The following ADGRL4 variants were observed in gnomAD, a reference collection of about 807,000 sequenced individuals.
ADGRL4 encodes adhesion G protein-coupled receptor L4.
A neutral mutation model predicts 74.8 loss-of-function variants in ADGRL4; 90 were observed. That is an observed-to-expected ratio of 1.20 (90% CI 1.02 to 1.43). The LOEUF (loss-of-function observed/expected upper bound fraction) is 1.43, where lower values mean the gene tolerates loss of function less well. ADGRL4 is among the 40% of genes most tolerant of loss of function. ADGRL4 has a pLI of 0.00. For missense variants in ADGRL4, 881 were observed against 814.3 expected, an observed-to-expected ratio of 1.08 and a Z score of -1.00; for synonymous variants, 311 against 279.2, an observed-to-expected ratio of 1.11 and a Z score of -1.14.
At chr1:78,893,632 C>G (rs1420860619) in intron 12 of ADGRL4, among the ~76,000 whole-genome samples, 1 of 151,668 alleles carries the variant, frequency 6.6e-6, no homozygotes, top group African/African-American at 2.4e-5. Context: ...ACAAAACACT[C>G]TCAGTTTCTA....
chr1:78,952,655 A>G (rs941960835), intron 2 of ADGRL4, among the ~76,000 whole-genome samples: 3 of 152,168 alleles, frequency 2.0e-5, no homozygotes, highest in African/African-American at 7.2e-5. Context: ...CATTTCCTTG[A>G]CCATGAACTC....
At position 78,921,669 on chromosome 1, in the gene ADGRL4, A is replaced by T; in HGVS notation, c.1201T>A (p.Cys401Ser). The T allele has an allele frequency of 6.3e-7, 1 of 1,599,548 alleles. No individual in the cohort carries two copies. Among genetic ancestry groups the T allele is most frequent in the South Asian group, 1.1e-5 (1 of 89,514 alleles). ...LTYSNETHTS[C>S]RCNHLTHFAI... ...AAATGTGTCAGGTGATTACAGCGGC[A>T]TGAGGTGTGGGTCTCATTTGAGTAT... The change falls in exon 9 of 15, where the codon TGC becomes AGC. Residue 401 changes from cysteine (C) to serine (S), a missense_variant. By Grantham distance (112) the Cys-to-Ser change is moderately radical. Transcript: ENST00000370742.
intron 2 of ADGRL4, among the ~76,000 whole-genome samples, chr1:78,967,747 T>A (rs6699540): frequency 0.09 from 13,643 of 152,142 alleles, 824 homozygotes; most frequent in East Asian, 0.35. Flanking sequence ...ATTTCTTAAG[T>A]CATTAATCTG....
At chr1:78,939,442 A>C (rs1388184168) in intron 3 of ADGRL4, among the ~76,000 whole-genome samples, 184 bp from the exon 4 acceptor site, 1 of 152,094 alleles carries the variant, frequency 6.6e-6, no homozygotes, top group African/African-American at 2.4e-5. Flanking sequence ...AAAGGGTTTT[A>C]AGGGCCAAGA....
At chr1:78,906,652 AT>A (rs1375995258) in intron 12 of ADGRL4, among the ~76,000 whole-genome samples, 1 of 152,038 alleles carries the variant, frequency 6.6e-6, no homozygotes, top group African/African-American at 2.4e-5. Context: ...AATGAAAAAT[AT>A]TTGTTGTATA....
chr1:79,004,081 A>G (rs1650908219), intron 2 of ADGRL4, among the ~76,000 whole-genome samples: 1 of 152,096 alleles, frequency 6.6e-6, no homozygotes, highest in African/African-American at 2.4e-5. Context: ...ATATAATTCA[A>G]TCACAAGATA....
At chr1:78,891,769 G>A in intron 13 of ADGRL4, 77 bp from the exon 14 acceptor site, 1 of 1,320,214 alleles carries the variant, frequency 7.6e-7, no homozygotes. Context: ...CAAATTATGT[G>A]GGAGGTGAGT....
intron 2 of ADGRL4, among the ~76,000 whole-genome samples, chr1:78,959,228 T>C (rs115224773): frequency 6.6e-6 from 1 of 152,180 alleles, no homozygotes; most frequent in East Asian, 1.9e-4. Flanking sequence ...CTTTATGTAA[T>C]TCATTGAAGA....
chr1:78,922,080 G>T (rs1263592597), intron 8 of ADGRL4, among the ~76,000 whole-genome samples: 1 of 151,900 alleles, frequency 6.6e-6, no homozygotes, highest in Non-Finnish European at 1.5e-5. Flanking sequence ...CAAGTTTGTT[G>T]AGTATTTTCT....
chr1:78,912,978 A>T (rs2100664404), intron 12 of ADGRL4, among the ~76,000 whole-genome samples: 1 of 152,098 alleles, frequency 6.6e-6, no homozygotes, highest in South Asian at 2.1e-4. Context: ...GGGACAAGGG[A>T]CATGAAGAGA....
intron 12 of ADGRL4, among the ~76,000 whole-genome samples, chr1:78,900,872 A>G (rs1198990160): frequency 1.3e-5 from 2 of 152,124 alleles, no homozygotes; most frequent in Non-Finnish European, 2.9e-5. Flanking sequence ...ATATGTATAT[A>G]ATGAAATACC....
intron 2 of ADGRL4, among the ~76,000 whole-genome samples, chr1:78,971,936 G>C (rs1392061227): frequency 6.6e-6 from 1 of 152,024 alleles, no homozygotes; most frequent in Non-Finnish European, 1.5e-5. Flanking sequence ...TTTGTATTTA[G>C]TAGAGATGGG....
intron 2 of ADGRL4, among the ~76,000 whole-genome samples, chr1:79,003,254 C>T (rs1451556850): frequency 6.6e-6 from 1 of 151,826 alleles, no homozygotes; most frequent in African/African-American, 2.4e-5. Context: ...TATTAACTAT[C>T]CTGACTAAAA....
chr1:78,929,925 T>A (rs992785701), intron 7 of ADGRL4, among the ~76,000 whole-genome samples: 2 of 151,516 alleles, frequency 1.3e-5, no homozygotes, highest in Non-Finnish European at 2.9e-5. Flanking sequence ...ACCCAAATTG[T>A]CTTTGAAATT....
At chr1:78,952,923 A>C (rs1649758998) in intron 2 of ADGRL4, among the ~76,000 whole-genome samples, 1 of 152,140 alleles carries the variant, frequency 6.6e-6, no homozygotes, top group African/African-American at 2.4e-5. Context: ...AAAAACAAAC[A>C]ATACTTGTAT....
At chr1:78,891,279 T>G in intron 14 of ADGRL4, 63 bp from the exon 15 acceptor site, 1 of 1,489,910 alleles carries the variant, frequency 6.7e-7, no homozygotes, top group Non-Finnish European at 9.2e-7. Flanking sequence ...AATTTCTTTT[T>G]CAAATCACAA....
At chr1:78,951,911 G>T (rs1379236585) in intron 2 of ADGRL4, among the ~76,000 whole-genome samples, 1 of 152,062 alleles carries the variant, frequency 6.6e-6, no homozygotes, top group African/African-American at 2.4e-5. Flanking sequence ...GTTATATTGA[G>T]TCCCCTAGTA....
At chr1:78,931,117 C>T (rs1649232941) in intron 7 of ADGRL4, among the ~76,000 whole-genome samples, 1 of 151,164 alleles carries the variant, frequency 6.6e-6, no homozygotes, top group Non-Finnish European at 1.5e-5. Context: ...AGATCAACCC[C>T]AAGACACATA....
intron 2 of ADGRL4, among the ~76,000 whole-genome samples, chr1:78,975,014 A>C (rs1044507950): frequency 1.3e-5 from 2 of 152,166 alleles, no homozygotes; most frequent in African/African-American, 4.8e-5. Context: ...TACCTGTTTC[A>C]TATGGTGAAT....
Sources: gnomAD v4.1 joint callset for allele counts (sites outside exome capture counted in the v4.1 genomes callset) on GRCh38, gnomAD v4.1.1 for gene constraint, MANE v1.5 for transcripts, NCBI Gene and HGNC (gene_info 2026-07-23, HGNC 2026-07-21) for gene names.